NRCAM: variants seen among roughly 807,000 people sequenced by gnomAD.
NRCAM encodes neuronal cell adhesion molecule, also known as NgCAM-related cell adhesion molecule.
In NRCAM, 83 loss-of-function variants were observed where a neutral mutation model predicts 156.5. That is an observed-to-expected ratio of 0.53 (90% CI 0.44 to 0.64). The LOEUF (loss-of-function observed/expected upper bound fraction) is 0.64. NRCAM is among the 30% of genes least tolerant of loss of function. The pLI is 0.00. For synonymous variants in NRCAM, 538 were observed against 563.9 expected (o/e 0.95, Z 0.65); for missense variants, 1,417 against 1,597.3 (o/e 0.89, Z 1.92).
In NRCAM at chr7:108,175,326, G is replaced by T. The variant is rs1406840555; in HGVS notation, c.3183C>A (p.Gly1061=). ...AGILPPDVGA[G]KVQAVNPRIS... is the part of the protein sequence containing the mutation. The stretch of plus-strand genomic sequence containing the variant: ...CATGCAGATGAATTATTTTACCTTT[G>T]CCTGCACCTACATCAGGTGGAAGAA... Residue 1061 remains glycine, a synonymous_variant, in exon 28 of 33, where the codon GGC becomes GGA. Coordinates refer to ENST00000379028, the MANE Select transcript of NRCAM (RefSeq NM_001037132.4). 3.2e-6 allele frequency: 5 copies of T among 1,558,622 alleles called. No homozygotes were observed. Among genetic ancestry groups the T allele is most frequent in the African/African-American group, 1.4e-5 (1 of 73,512 alleles).
chr7:108,376,913 C>T lies in NRCAM; in HGVS notation c.-174+22523G>A, dbSNP rs201253423. Among the ~76,000 whole-genome samples the T allele has an allele frequency of 8.5e-5, 13 of 152,092 alleles. No individual in the cohort carries two copies. The East Asian group carries it at 2.3e-3, about 27-fold the overall frequency. On this transcript the variant is annotated intron_variant, in intron 2 of 32. Coordinates refer to ENST00000379028, the MANE Select transcript of NRCAM (RefSeq NM_001037132.4). ...GGTGCAGTGGCTCATGCCTGTAATCCCAGCACTTTGGGAAGCTGAGGCAGG... is the reference window on the plus strand; with the variant it reads ...GGTGCAGTGGCTCATGCCTGTAATCTCAGCACTTTGGGAAGCTGAGGCAGG...
chr7:108,392,888 C>T (rs1234466830), intron 2 of NRCAM, among the ~76,000 whole-genome samples: 1 of 152,158 alleles, frequency 6.6e-6, no homozygotes, highest in Non-Finnish European at 1.5e-5. Flanking sequence ...GTGAATATTG[C>T]AGAACAGCAA....
chr7:108,305,246 T>G (rs1217782592), intron 3 of NRCAM, among the ~76,000 whole-genome samples: 1 of 152,234 alleles, frequency 6.6e-6, no homozygotes, highest in Non-Finnish European at 1.5e-5. Flanking sequence ...AAGACTGTTT[T>G]TGCATTAAAG....
chr7:108,369,048 T>C (rs2099612282), intron 2 of NRCAM, among the ~76,000 whole-genome samples: 1 of 152,184 alleles, frequency 6.6e-6, no homozygotes, highest in South Asian at 2.1e-4. Context: ...GTATTCTATA[T>C]AATTCTCTTT....
At chr7:108,253,897 C>T (rs1223670389) in intron 3 of NRCAM, among the ~76,000 whole-genome samples, 2 of 152,154 alleles carry the variant, frequency 1.3e-5, no homozygotes, top group Non-Finnish European at 2.9e-5. Context: ...CAATTATTTA[C>T]AATGACAACA....
intron 2 of NRCAM, among the ~76,000 whole-genome samples, chr7:108,322,148 C>G (rs1161168422): frequency 6.6e-6 from 1 of 150,752 alleles, no homozygotes; most frequent in Non-Finnish European, 1.5e-5. Flanking sequence ...AAAGACTAGA[C>G]ATTTCGTTTT....
upstream of NRCAM, chr7:108,456,453 GCGCCCCCGCCGCTCC>G (rs1303196767): frequency 6.7e-6 from 1 of 150,150 alleles, no homozygotes; most frequent in African/African-American, 2.4e-5. Flanking sequence ...GCGCCGGCGC[GCGCCCCCGCCGCTCC>G]CGCCCTCTCC....
chr7:108,400,662 A>T (rs1038790165), intron 1 of NRCAM, among the ~76,000 whole-genome samples: 1 of 152,160 alleles, frequency 6.6e-6, no homozygotes, highest in Non-Finnish European at 1.5e-5. Flanking sequence ...AAATAGATAA[A>T]ATTTAAATTG....
chr7:108,168,875 G>A (rs995749915), intron 28 of NRCAM, among the ~76,000 whole-genome samples: 6 of 152,208 alleles, frequency 3.9e-5, no homozygotes, highest in Non-Finnish European at 7.3e-5. Flanking sequence ...TGGTGTGACA[G>A]AGAATGCCCC....
At chr7:108,203,121 G>C (rs1588071909) in intron 13 of NRCAM, among the ~76,000 whole-genome samples, 1 of 152,134 alleles carries the variant, frequency 6.6e-6, no homozygotes, top group African/African-American at 2.4e-5. Context: ...GTAGAGCAGG[G>C]AAATGCTTTG....
At chr7:108,438,344 T>G (rs75920144) in intron 1 of NRCAM, among the ~76,000 whole-genome samples, 6 of 152,174 alleles carry the variant, frequency 3.9e-5, no homozygotes, top group Non-Finnish European at 7.4e-5. Context: ...GTGGGATGTA[T>G]TGCAGAAGTT....
chr7:108,337,827 C>T (rs1159122753), intron 2 of NRCAM, among the ~76,000 whole-genome samples: 5 of 152,160 alleles, frequency 3.3e-5, no homozygotes, highest in South Asian at 2.1e-4. Flanking sequence ...AGGACCTCCC[C>T]GCAACCCAGT....
intron 30 of NRCAM, among the ~76,000 whole-genome samples, chr7:108,161,006 C>T (rs2048598107): frequency 6.6e-6 from 1 of 152,146 alleles, no homozygotes; most frequent in Non-Finnish European, 1.5e-5. Context: ...AGAAAACGGT[C>T]CACACAAGAA....
At chr7:108,438,183 C>T (rs1044985159) in intron 1 of NRCAM, among the ~76,000 whole-genome samples, 2 of 151,974 alleles carry the variant, frequency 1.3e-5, no homozygotes, top group Non-Finnish European at 2.9e-5. Flanking sequence ...ATCTATAAGG[C>T]CAGTTTTACT....
intron 3 of NRCAM, among the ~76,000 whole-genome samples, chr7:108,285,806 C>T (rs2098077112): frequency 6.6e-6 from 1 of 152,174 alleles, no homozygotes; most frequent in African/African-American, 2.4e-5. Flanking sequence ...GAAACTCCAC[C>T]ATCTATCTCT....
intron 11 of NRCAM, among the ~76,000 whole-genome samples, chr7:108,217,108 A>C (rs941266958): frequency 1.3e-5 from 2 of 151,846 alleles, no homozygotes; most frequent in East Asian, 3.9e-4. Context: ...TTTTGTGTGG[A>C]CGCCCTTTTT....
At chr7:108,375,961 T>C (rs1014298803) in intron 2 of NRCAM, among the ~76,000 whole-genome samples, 7 of 152,200 alleles carry the variant, frequency 4.6e-5, no homozygotes, top group African/African-American at 1.7e-4. Context: ...GCCAGACCTA[T>C]GATAGAGGAC....
chr7:108,368,877 A>G (rs1403662782), intron 2 of NRCAM, among the ~76,000 whole-genome samples: 2 of 152,214 alleles, frequency 1.3e-5, no homozygotes, highest in Non-Finnish European at 2.9e-5. Flanking sequence ...CAAACTTCTC[A>G]ATAGTACAAT....
chr7:108,182,343 G>A (rs565351354), intron 23 of NRCAM, among the ~76,000 whole-genome samples: 37 of 151,750 alleles, frequency 2.4e-4, no homozygotes, highest in Non-Finnish European at 5.3e-4. Context: ...AGCCAAAGAA[G>A]ATGGAAAACA....
Sources: allele counts gnomAD v4.1 joint callset (sites outside exome capture counted in the v4.1 genomes callset), GRCh38; gene constraint gnomAD v4.1.1; transcripts MANE v1.5; gene names NCBI Gene and HGNC (gene_info 2026-07-23, HGNC 2026-07-21).